The following DDHD1 variants were observed in gnomAD, a reference collection of about 807,000 sequenced individuals.
DDHD1 encodes the protein phospholipase DDHD1.
A neutral mutation model predicts 96.4 loss-of-function variants in DDHD1; 49 were observed. The observed-to-expected ratio is 0.51, with a 90% CI of 0.40 to 0.64. DDHD1 has a LOEUF of 0.64. Ranked by LOEUF, DDHD1 falls within the 30% of genes least tolerant of loss-of-function variation. The probability of loss-of-function intolerance (pLI) is 0.00; values close to 1 mark genes in which losing one functional copy is unlikely to be tolerated. For missense variants in DDHD1, 1,106 were observed against 1,161.2 expected, an observed-to-expected ratio of 0.95 and a Z score of 0.69; for synonymous variants, 442 against 446.5, an observed-to-expected ratio of 0.99 and a Z score of 0.13.
intron 4 of DDHD1, among the ~76,000 whole-genome samples, chr14:53,074,253 T>C (rs1884765088): frequency 1.3e-5 from 2 of 151,810 alleles, no homozygotes; most frequent in South Asian, 4.1e-4. Context: ...TTTAAAAATA[T>C]TAAGATACTA....
intron 12 of DDHD1, among the ~76,000 whole-genome samples, 152 bp downstream of exon 12, chr14:53,051,692 T>C (rs1882584670): frequency 6.6e-6 from 1 of 151,764 alleles, no homozygotes; most frequent in Admixed American, 6.6e-5. Flanking sequence ...GACTAGAAAA[T>C]ATGGGATGAA....
chr14:53,153,284 T>C lies in DDHD1; in HGVS notation c.-186A>G, dbSNP rs868106937. On this transcript the variant is annotated 5_prime_UTR_variant, in exon 1 of 13. Coordinates refer to ENST00000673822, the MANE Select transcript of DDHD1 (RefSeq NM_001160148.2). ...ACCCGCAGCCGCCGCAGCTGCGTTC[T>C]GCCGCCGGCCCCATTGTCACGCAGC... The C allele has an allele frequency of 2.3e-6, 1 of 440,418 alleles. No individual in the cohort carries two copies. The highest frequency in any genetic ancestry group is 3.8e-6 in the Non-Finnish European group (1 of 263,980). The allele number at this position is 440,418 out of a possible 1,614,324, so 27.3% of individuals were successfully genotyped here. A position where few individuals can be genotyped will look rare whatever the true frequency, so the allele number is the denominator to read the frequency against.
At chr14:53,113,519 G>A (rs935436292) in intron 1 of DDHD1, among the ~76,000 whole-genome samples, 2 of 152,016 alleles carry the variant, frequency 1.3e-5, no homozygotes, top group Non-Finnish European at 2.9e-5. Context: ...TGCAGAAGGA[G>A]GGTGATTTCT....
rs998297937 is a variant in DDHD1 at position 53,043,155 on chromosome 14, T to C, written c.*3613A>G. The C allele has an allele frequency of 6.6e-6, 1 of 152,120 alleles. No individual in the cohort carries two copies. Among genetic ancestry groups the C allele is most frequent in the African/African-American group, 2.4e-5 (1 of 41,434 alleles). 9.4% of individuals were successfully genotyped at this position (152,120 alleles called of 1,614,324 possible). A position where few individuals can be genotyped will look rare whatever the true frequency, so the allele number is the denominator to read the frequency against. ...CTGTCTAGGTGATGCAAAGCTGGAA[T>C]ATGGTGTGTTAAATTTTCTGCAGAC... On this transcript the variant is annotated 3_prime_UTR_variant, in exon 13 of 13. Transcript: ENST00000673822.
At chr14:53,066,567 C>T (rs1009130503) in intron 6 of DDHD1, among the ~76,000 whole-genome samples, 3 of 152,336 alleles carry the variant, frequency 2.0e-5, no homozygotes, top group Admixed American at 1.3e-4. Flanking sequence ...CTAATCATTC[C>T]TTCCCTAAGG....
intron 6 of DDHD1, among the ~76,000 whole-genome samples, chr14:53,065,168 A>G (rs1326927876): frequency 1.3e-5 from 2 of 152,190 alleles, no homozygotes; most frequent in Non-Finnish European, 2.9e-5. Flanking sequence ...CCACTGCTCA[A>G]GAGTTAAAAT....
chr14:53,056,385 C>T (rs1883058738), intron 9 of DDHD1, among the ~76,000 whole-genome samples: 1 of 152,200 alleles, frequency 6.6e-6, no homozygotes, highest in African/African-American at 2.4e-5. Context: ...GCAGAAAAGG[C>T]AATGGATACG....
At chr14:53,051,061 T>G (rs945649421) in intron 12 of DDHD1, among the ~76,000 whole-genome samples, 4 of 151,854 alleles carry the variant, frequency 2.6e-5, no homozygotes, top group Non-Finnish European at 5.9e-5. Context: ...AGAGTTTTTT[T>G]TTTTTTTTAC....
intron 10 of DDHD1, 71 bp from the exon 11 acceptor site, chr14:53,054,700 TAATTATAGCCAAC>T: frequency 6.8e-7 from 1 of 1,474,248 alleles, no homozygotes; most frequent in Non-Finnish European, 9.3e-7. Flanking sequence ...GCACCACCCA[TAATTATAGCCAAC>T]TGGCAGAGGG....
chr14:53,090,253 G>C (rs1274284119), intron 4 of DDHD1, among the ~76,000 whole-genome samples: 1 of 152,156 alleles, frequency 6.6e-6, no homozygotes, highest in African/African-American at 2.4e-5. Flanking sequence ...TGGAGAAATA[G>C]GAACACTTTT....
rs888234222 is a variant in DDHD1 at position 53,043,698 on chromosome 14, G to A, written c.*3070C>T. ...CCTGCTTGGCCTCCCAAAGTGCTGGGATTACAGGCATGAGCTGCCACACCT... is the reference window on the plus strand; with the variant it reads ...CCTGCTTGGCCTCCCAAAGTGCTGGAATTACAGGCATGAGCTGCCACACCT... On this transcript the variant is annotated 3_prime_UTR_variant, in exon 13 of 13. Transcript: ENST00000673822. The A allele has an allele frequency of 5.9e-5, 9 of 152,152 alleles. No individual in the cohort carries two copies. The highest frequency in any genetic ancestry group is 2.2e-4 in the African/African-American group (9 of 41,394). 9.4% of individuals were successfully genotyped at this position (152,152 alleles called of 1,614,324 possible). A position where few individuals can be genotyped will look rare whatever the true frequency, so the allele number is the denominator to read the frequency against.
At chr14:53,152,113 GCTCC>G in intron 1 of DDHD1, 144 bp downstream of exon 1, 15 of 833,720 alleles carry the variant, frequency 1.8e-5, no homozygotes, top group South Asian at 5.8e-5. Flanking sequence ...AGCTGCCGAC[GCTCC>G]CTGCTCAATC....
chr14:53,052,741 A>G (rs1235084169), intron 11 of DDHD1: 1 of 152,012 alleles, frequency 6.6e-6, no homozygotes, highest in Non-Finnish European at 1.5e-5. Flanking sequence ...TGTATAATAT[A>G]TAAGTATGTG....
At chr14:53,125,085 A>T (rs1474613947) in intron 1 of DDHD1, among the ~76,000 whole-genome samples, 1 of 152,212 alleles carries the variant, frequency 6.6e-6, no homozygotes, top group African/African-American at 2.4e-5. Flanking sequence ...TAAATGTCTC[A>T]ATTTAACTTT....
In DDHD1 at chr14:53,055,920, TA is replaced by T. The variant is rs755741246; in HGVS notation, c.1993-9del. On this transcript the variant is annotated splice_polypyrimidine_tract_variant and intron_variant, in intron 9 of 12. Transcript: ENST00000673822. ...TGGTTCTAATCTATAAGCCTTGATTTAAAAAAAAAAATTCAAAGAAACACAG... is the reference window on the plus strand; with the variant it reads ...TGGTTCTAATCTATAAGCCTTGATTTAAAAAAAAAATTCAAAGAAACACAG... 7.1e-3 allele frequency: 8,961 copies of T among 1,257,714 alleles called. 2 individuals carry two copies. Among genetic ancestry groups the T allele is most frequent in the African/African-American group, 0.015 (993 of 65,024 alleles). The allele number at this position is 1,257,714 out of a possible 1,614,324, so 77.9% of individuals were successfully genotyped here.
chr14:53,152,126 T>C (rs1891434855), intron 1 of DDHD1, 135 bp downstream of exon 1: 1 of 939,460 alleles, frequency 1.1e-6, no homozygotes, highest in Admixed American at 3.1e-5. Flanking sequence ...CCCTGCTCAA[T>C]CTCCATCCTG....
intron 1 of DDHD1, among the ~76,000 whole-genome samples, chr14:53,141,225 G>GAGA (rs1675438293): frequency 6.6e-6 from 1 of 152,146 alleles, no homozygotes; most frequent in Admixed American, 6.5e-5. Flanking sequence ...AAGAACAAAA[G>GAGA]AGATTAAATA....
chr14:53,152,125 A>AGG, intron 1 of DDHD1, 136 bp downstream of exon 1: 1 of 842,310 alleles, frequency 1.2e-6, no homozygotes, highest in Non-Finnish European at 1.7e-6. Context: ...TCCCTGCTCA[A>AGG]TCTCCATCCT....
At chr14:53,087,570 A>T (rs1886084485) in intron 4 of DDHD1, among the ~76,000 whole-genome samples, 1 of 152,216 alleles carries the variant, frequency 6.6e-6, no homozygotes, top group South Asian at 2.1e-4. Flanking sequence ...TACTGGGTAC[A>T]TAACGAAATG....
Sources: allele counts gnomAD v4.1 joint callset (sites outside exome capture counted in the v4.1 genomes callset), GRCh38; gene constraint gnomAD v4.1.1; transcripts MANE v1.5; gene names NCBI Gene and HGNC (gene_info 2026-07-23, HGNC 2026-07-21).